Variants in SNTB1 observed in about 807,000 individuals in gnomAD.
SNTB1 encodes syntrophin beta 1.
SNTB1 carries 36 observed loss-of-function variants against 48.9 expected under a neutral mutation model. The observed-to-expected ratio is 0.74, with a 90% CI of 0.56 to 0.97. SNTB1 has a LOEUF of 0.97. SNTB1 is among the 50% of genes least tolerant of loss of function. SNTB1 has a pLI of 0.00. For synonymous variants in SNTB1, 299 were observed against 294.6 expected (o/e 1.01, Z -0.15); for missense variants, 786 against 703.4 (o/e 1.12, Z -1.33).
intron 3 of SNTB1, 142 bp downstream of exon 3, chr8:120,632,302 G>A: frequency 2.5e-6 from 2 of 813,698 alleles, no homozygotes; most frequent in South Asian, 1.7e-5. Context: ...GTAAAGGCCT[G>A]TAGCCTGCTG....
chr8:120,554,595 T>C (rs1815535440), intron 4 of SNTB1, among the ~76,000 whole-genome samples: 1 of 152,142 alleles, frequency 6.6e-6, no homozygotes. Flanking sequence ...CACCAAAAAT[T>C]GGGTAAATAA....
chr8:120,806,949 G>A (rs1820345044), intron 1 of SNTB1, among the ~76,000 whole-genome samples: 2 of 152,144 alleles, frequency 1.3e-5, no homozygotes, highest in African/African-American at 2.4e-5. Context: ...CTTGGAGAAA[G>A]TGATTGTGAC....
At chr8:120,698,175 A>C (rs1455713508) in intron 1 of SNTB1, among the ~76,000 whole-genome samples, 1 of 152,086 alleles carries the variant, frequency 6.6e-6, no homozygotes, top group Non-Finnish European at 1.5e-5. Context: ...AGAAAAATAG[A>C]AATAAGGTAT....
intron 1 of SNTB1, among the ~76,000 whole-genome samples, chr8:120,708,135 A>G (rs1462782732): frequency 6.6e-6 from 1 of 151,750 alleles, no homozygotes; most frequent in Non-Finnish European, 1.5e-5. Flanking sequence ...TCTAAAACAT[A>G]AAAGAATACT....
intron 6 of SNTB1, among the ~76,000 whole-genome samples, chr8:120,541,519 G>T (rs1057426035): frequency 1.3e-5 from 2 of 151,976 alleles, no homozygotes; most frequent in Non-Finnish European, 2.9e-5. Flanking sequence ...AAAACTGCAG[G>T]GTACGTTTTT....
chr8:120,743,458 C>T (rs529026702), intron 1 of SNTB1, among the ~76,000 whole-genome samples: 43 of 152,210 alleles, frequency 2.8e-4, no homozygotes, highest in Middle Eastern at 3.4e-3. Flanking sequence ...CAGGAGTGAT[C>T]GGACTGTATT....
chr8:120,797,512 C>A (rs1820138671), intron 1 of SNTB1, among the ~76,000 whole-genome samples: 1 of 147,636 alleles, frequency 6.8e-6, no homozygotes, highest in African/African-American at 2.5e-5. Flanking sequence ...ATTTTACAGC[C>A]AGTAAATATC....
At chr8:120,732,778 G>A (rs1175394484) in intron 1 of SNTB1, among the ~76,000 whole-genome samples, 1 of 152,178 alleles carries the variant, frequency 6.6e-6, no homozygotes, top group African/African-American at 2.4e-5. Context: ...CCCACGAGGT[G>A]GAGGTTGCAG....
chr8:120,683,646 G>A (rs1368133461), intron 2 of SNTB1, among the ~76,000 whole-genome samples: 1 of 152,160 alleles, frequency 6.6e-6, no homozygotes, highest in Non-Finnish European at 1.5e-5. Flanking sequence ...GAACCCATGA[G>A]TTGGGAAAAT....
intron 1 of SNTB1, among the ~76,000 whole-genome samples, chr8:120,716,438 T>G (rs1818559780): frequency 6.6e-6 from 1 of 152,212 alleles, no homozygotes; most frequent in Non-Finnish European, 1.5e-5. Context: ...GCCAACATTC[T>G]AGGCAAAATA....
chr8:120,649,425 C>A (rs1463980053), intron 2 of SNTB1, among the ~76,000 whole-genome samples: 9 of 138,088 alleles, frequency 6.5e-5, no homozygotes, highest in East Asian at 4.1e-4. Context: ...AGTACCCTGC[C>A]GTGTGAGGTG....
chr8:120,594,023 C>G lies in SNTB1; in HGVS notation c.997-18798G>C, dbSNP rs752909755. 6.4e-4 allele frequency among the ~76,000 whole-genome samples: 98 copies of G among 151,984 alleles called. 1 individual carries two copies. Among genetic ancestry groups the G allele is most frequent in the Non-Finnish European group, 1.2e-3 (84 of 68,030 alleles). On this transcript the variant is annotated intron_variant, in intron 3 of 6. Coordinates refer to ENST00000517992, the MANE Select transcript of SNTB1 (RefSeq NM_021021.4). ...CTTTTGTTATGTATTATATATGTAA[C>G]ATATCTCTTCTAAGGAGCTCAGTAC...
At position 120,811,789 on chromosome 8, in the gene SNTB1, G is replaced by GGCCGCCTCCCGCGCCAGCCGGCCCA; in HGVS notation, c.30_54dup (p.Arg19TrpfsTer208). 1 of 1,453,254 alleles carries GGCCGCCTCCCGCGCCAGCCGGCCCA rather than the reference G, an allele frequency of 6.9e-7. No homozygotes were observed. The highest frequency in any genetic ancestry group is 9.1e-7 in the Non-Finnish European group (1 of 1,104,698). The allele number at this position is 1,453,254 out of a possible 1,614,324, so 90.0% of individuals were successfully genotyped here. A position where few individuals can be genotyped will look rare whatever the true frequency, so the allele number is the denominator to read the frequency against. ...TCCAGCAGCCCGCTCCGCTGCGCCC[G>GGCCGCCTCCCGCGCCAGCCGGCCCA]GCCGCCTCCCGCGCCAGCCGGCCCA... is the stretch of plus-strand genomic sequence containing the variant. On this transcript the variant is annotated frameshift_variant, in exon 1 of 7. Coordinates refer to ENST00000517992, the MANE Select transcript of SNTB1 (RefSeq NM_021021.4). LOFTEE classifies it high-confidence loss of function.
chr8:120,711,786 C>G (rs994169779), intron 1 of SNTB1, among the ~76,000 whole-genome samples: 1 of 152,048 alleles, frequency 6.6e-6, no homozygotes, highest in African/African-American at 2.4e-5. Flanking sequence ...AACATGCTAT[C>G]AATTATAACA....
At chr8:120,620,105 T>C (rs1311255559) in intron 3 of SNTB1, among the ~76,000 whole-genome samples, 1 of 152,154 alleles carries the variant, frequency 6.6e-6, no homozygotes, top group Non-Finnish European at 1.5e-5. Flanking sequence ...CACACACATA[T>C]AGTAGCATTC....
intron 1 of SNTB1, among the ~76,000 whole-genome samples, chr8:120,789,101 T>C (rs1372665294): frequency 1.3e-5 from 2 of 151,962 alleles, no homozygotes; most frequent in South Asian, 2.1e-4. Context: ...CTTCAAACCA[T>C]ACAAATACAT....
At chr8:120,553,659 A>G (rs1815518816) in intron 4 of SNTB1, among the ~76,000 whole-genome samples, 1 of 152,234 alleles carries the variant, frequency 6.6e-6, no homozygotes, top group Non-Finnish European at 1.5e-5. Context: ...AATGTAGAGC[A>G]ATTTTATGGC....
chr8:120,690,428 C>A (rs1288432567), intron 2 of SNTB1, among the ~76,000 whole-genome samples: 2 of 152,188 alleles, frequency 1.3e-5, no homozygotes, highest in Non-Finnish European at 1.5e-5. Context: ...CTTCTTGCAT[C>A]TTCTGCAGTT....
intron 3 of SNTB1, among the ~76,000 whole-genome samples, chr8:120,621,819 A>G (rs1265241174): frequency 1.3e-5 from 2 of 151,904 alleles, no homozygotes; most frequent in Non-Finnish European, 2.9e-5. Flanking sequence ...TCATTTTTCC[A>G]GAGATCTCCT....
Sources: allele counts gnomAD v4.1 joint callset (sites outside exome capture counted in the v4.1 genomes callset), GRCh38; gene constraint gnomAD v4.1.1; transcripts MANE v1.5; gene names NCBI Gene and HGNC (gene_info 2026-07-23, HGNC 2026-07-21).